OPCML: variants seen among roughly 807,000 people sequenced by gnomAD.
The protein encoded by OPCML is opioid binding protein/cell adhesion molecule like, also known as opioid-binding protein/cell adhesion molecule.
A neutral mutation model predicts 37.8 loss-of-function variants in OPCML; 13 were observed. That is an observed-to-expected ratio of 0.34 (90% CI 0.22 to 0.55). OPCML has a LOEUF of 0.55. OPCML is among the 20% of genes least tolerant of loss of function. The pLI, the probability that OPCML is intolerant of heterozygous loss-of-function variation, is 0.91. For missense variants in OPCML, 341 were observed against 435.6 expected, an observed-to-expected ratio of 0.78 and a Z score of 1.93; for synonymous variants, 176 against 168.8, an observed-to-expected ratio of 1.04 and a Z score of -0.33.
At chr11:133,404,035 G>C (rs887550569) in intron 1 of OPCML, among the ~76,000 whole-genome samples, 1 of 152,226 alleles carries the variant, frequency 6.6e-6, no homozygotes, top group Admixed American at 6.5e-5. Flanking sequence ...GTTGTTTGCA[G>C]AGTTGGCTCC....
chr11:133,082,861 C>T (rs1159263260), intron 1 of OPCML, among the ~76,000 whole-genome samples: 1 of 149,944 alleles, frequency 6.7e-6, no homozygotes, highest in Non-Finnish European at 1.5e-5. Context: ...GCCGGGGGCC[C>T]CTCCGAGCCG....
chr11:132,632,316 G>A (rs1014827380), intron 3 of OPCML, among the ~76,000 whole-genome samples: 6 of 145,762 alleles, frequency 4.1e-5, no homozygotes, highest in Non-Finnish European at 7.4e-5. Context: ...GTCAAAGCAA[G>A]CAGCTGACAT....
intron 1 of OPCML, among the ~76,000 whole-genome samples, chr11:133,411,147 G>A (rs935634658): frequency 1.3e-5 from 2 of 152,082 alleles, no homozygotes; most frequent in Non-Finnish European, 2.9e-5. Flanking sequence ...AGTTCCCCCA[G>A]TTCACATGGA....
At chr11:133,320,583 T>C (rs1164517129) in intron 1 of OPCML, among the ~76,000 whole-genome samples, 1 of 152,214 alleles carries the variant, frequency 6.6e-6, no homozygotes, top group Non-Finnish European at 1.5e-5. Context: ...TCCCCTTTCA[T>C]AAATTTAAAA....
chr11:132,591,290 A>C (rs568358503), intron 3 of OPCML, among the ~76,000 whole-genome samples: 1 of 152,306 alleles, frequency 6.6e-6, no homozygotes, highest in South Asian at 2.1e-4. Flanking sequence ...GTGGCTCTTA[A>C]TCCCAAAGAC....
intron 1 of OPCML, chr11:133,365,163 A>C (rs1003040571): frequency 6.6e-6 from 1 of 152,216 alleles, no homozygotes; most frequent in Non-Finnish European, 1.5e-5. Context: ...AGAGTTACAC[A>C]GGCCTGCACA....
intron 1 of OPCML, among the ~76,000 whole-genome samples, chr11:133,304,987 C>T (rs969536073): frequency 3.3e-5 from 5 of 152,088 alleles, no homozygotes; most frequent in Non-Finnish European, 7.4e-5. Flanking sequence ...ATAGGAACTA[C>T]AGTCTCAAAA....
intron 1 of OPCML, among the ~76,000 whole-genome samples, chr11:133,415,315 CAGG>C (rs200425792): frequency 0.065 from 9,837 of 151,690 alleles, 900 homozygotes; most frequent in African/African-American, 0.2. Flanking sequence ...GAGGCTGAGG[CAGG>C]AGAATGGCAT....
At chr11:132,654,957 G>A (rs1435293100) in intron 3 of OPCML, among the ~76,000 whole-genome samples, 1 of 151,922 alleles carries the variant, frequency 6.6e-6, no homozygotes, top group East Asian at 1.9e-4. Context: ...TAGATGCCAT[G>A]CTGTCCTTAG....
chr11:133,300,147 A>G (rs1942742905), intron 1 of OPCML: 1 of 152,238 alleles, frequency 6.6e-6, no homozygotes, highest in Non-Finnish European at 1.5e-5. Context: ...GCAGAGCATC[A>G]GAAATCATCA....
At chr11:132,719,698 A>G (rs1467779642) in intron 2 of OPCML, among the ~76,000 whole-genome samples, 1 of 152,166 alleles carries the variant, frequency 6.6e-6, no homozygotes, top group African/African-American at 2.4e-5. Context: ...AGTCAGACAC[A>G]CTCAGAAATC....
intron 2 of OPCML, among the ~76,000 whole-genome samples, chr11:132,793,442 T>G (rs1938075409): frequency 6.6e-6 from 1 of 152,224 alleles, no homozygotes; most frequent in Admixed American, 6.5e-5. Flanking sequence ...CAGGAACCTC[T>G]TAAGGCCTCT....
intron 1 of OPCML, among the ~76,000 whole-genome samples, chr11:133,366,989 T>C (rs899467718): frequency 4.6e-5 from 7 of 152,128 alleles, no homozygotes; most frequent in African/African-American, 1.7e-4. Flanking sequence ...CACTTTCTTT[T>C]TTTTTGGAGA....
At chr11:132,834,289 G>T (rs1940882832) in intron 2 of OPCML, among the ~76,000 whole-genome samples, 1 of 152,140 alleles carries the variant, frequency 6.6e-6, no homozygotes, top group Non-Finnish European at 1.5e-5. Context: ...TTTTACCAGT[G>T]CAATGACATT....
intron 4 of OPCML, among the ~76,000 whole-genome samples, chr11:132,449,913 C>A (rs745711981): frequency 1.2e-4 from 18 of 152,170 alleles, no homozygotes; most frequent in Non-Finnish European, 2.4e-4. Flanking sequence ...GTGCACTCTC[C>A]CCCAATCCTT....
intron 3 of OPCML, among the ~76,000 whole-genome samples, chr11:132,583,959 G>A (rs981400277): frequency 1.1e-4 from 17 of 151,990 alleles, no homozygotes; most frequent in African/African-American, 3.4e-4. Flanking sequence ...TGTCATGTAA[G>A]CATTTTCAAA....
intron 1 of OPCML, chr11:133,117,743 A>C (rs1949358849): frequency 2.1e-6 from 2 of 954,816 alleles, no homozygotes; most frequent in Admixed American, 1.2e-4. Context: ...AATGAAAATG[A>C]AAGTAATGTA....
At chr11:133,044,332 A>G (rs1444851657) in intron 1 of OPCML, among the ~76,000 whole-genome samples, 2 of 152,152 alleles carry the variant, frequency 1.3e-5, no homozygotes, top group Non-Finnish European at 2.9e-5. Flanking sequence ...GAAAGGAGAT[A>G]AGCAATGGCC....
chr11:132,911,486 T>C (rs1435130219), intron 2 of OPCML, among the ~76,000 whole-genome samples: 1 of 152,200 alleles, frequency 6.6e-6, no homozygotes, highest in African/African-American at 2.4e-5. Flanking sequence ...CGAGGAGAGT[T>C]TGCCTGATTG....
Sources: gnomAD v4.1 joint callset for allele counts (sites outside exome capture counted in the v4.1 genomes callset) on GRCh38, gnomAD v4.1.1 for gene constraint, MANE v1.5 for transcripts, NCBI Gene and HGNC (gene_info 2026-07-23, HGNC 2026-07-21) for gene names.